TERB2: variants seen among roughly 807,000 people sequenced by gnomAD.
TERB2 encodes telomere repeat binding bouquet formation protein 2, also known as telomere repeats-binding bouquet formation protein 2.
A neutral mutation model predicts 29.8 loss-of-function variants in TERB2; 26 were observed. That is an observed-to-expected ratio of 0.87 (90% CI 0.64 to 1.21). The LOEUF is 1.21. Among genes scored for constraint, TERB2 ranks in the 50% most tolerant of loss-of-function variants. TERB2 has a pLI of 0.00. For missense variants in TERB2, 240 were observed against 268.6 expected (o/e 0.89, Z 0.74); for synonymous variants, 80 against 90.8 (o/e 0.88, Z 0.68).
At chr15:44,968,350 G>A (rs1891918858) in intron 5 of TERB2, among the ~76,000 whole-genome samples, 1 of 151,834 alleles carries the variant, frequency 6.6e-6, no homozygotes, top group East Asian at 1.9e-4. Flanking sequence ...CGAGCAGCTG[G>A]GACTACAGGC....
At chr15:44,957,911 A>C (rs927079229) in intron 2 of TERB2, among the ~76,000 whole-genome samples, 1 of 151,694 alleles carries the variant, frequency 6.6e-6, no homozygotes, top group Non-Finnish European at 1.5e-5. Flanking sequence ...GTCAACCCGA[A>C]CTGCCATTAT....
At chr15:44,975,685 A>C (rs2141245489) in intron 6 of TERB2, among the ~76,000 whole-genome samples, 1 of 152,170 alleles carries the variant, frequency 6.6e-6, no homozygotes, top group African/African-American at 2.4e-5. Context: ...GCATCTGCCC[A>C]CTAGATACCA....
At position 44,966,174 on chromosome 15, in the gene TERB2, C is replaced by G; in HGVS notation, c.365C>G (p.Pro122Arg). ...TATCCACAGCATGATGAAGTAACAC[C>G]AAATGAAATAAAGACCCTTAGGGAA... Reference protein sequence around the residue: ...FLIEKHDEVTPNEIKTLRENS... With the variant: ...FLIEKHDEVTRNEIKTLRENS... The change falls in exon 5 of 7, where the codon CCA becomes CGA. Residue 122 changes from proline (P) to arginine (R), a missense_variant. Physicochemically the swap from Pro to Arg is moderately radical, Grantham distance 103. Coordinates refer to ENST00000340827, the MANE Select transcript of TERB2 (RefSeq NM_152448.3). 2 of 1,540,522 alleles carry G rather than the reference C, an allele frequency of 1.3e-6. No homozygotes were observed. The highest frequency in any genetic ancestry group is 1.7e-6 in the Non-Finnish European group (2 of 1,148,092).
rs368671437 is a variant in TERB2, at chr15:44,974,542, T to C, written c.523+587T>C. Reference sequence around the variant, plus strand: ...GGGTTTCCTATCCTAGTGCTGTACATAAAGAGAAGACAACTAACCACGGCT... The same window carrying C: ...GGGTTTCCTATCCTAGTGCTGTACACAAAGAGAAGACAACTAACCACGGCT... On this transcript the variant is annotated intron_variant, in intron 6 of 6. Coordinates refer to ENST00000340827, the MANE Select transcript of TERB2 (RefSeq NM_152448.3). 9.5e-4 allele frequency among the ~76,000 whole-genome samples: 144 copies of C among 152,174 alleles called. 1 individual carries two copies. The highest frequency in any genetic ancestry group is 6.8e-3 in the Middle Eastern group (2 of 294).
intron 3 of TERB2, among the ~76,000 whole-genome samples, chr15:44,960,886 C>G (rs1322086215): frequency 6.6e-6 from 1 of 151,896 alleles, no homozygotes; most frequent in African/African-American, 2.4e-5. Context: ...CCTGTACTAC[C>G]ATGTTTACTA....
Position 44,978,631 on chromosome 15 carries a change from A to C in TERB2, c.*3A>C. The C allele has an allele frequency of 6.3e-7, 1 of 1,583,050 alleles. No homozygotes were observed. Among genetic ancestry groups the C allele is most frequent in the South Asian group, 1.2e-5 (1 of 85,150 alleles). ...AAAACAAATTGAAGAGGAAATAGTA[A>C]ATTAAATTGTAAATACCTTGGCATT... On this transcript the variant is annotated 3_prime_UTR_variant, in exon 7 of 7. Coordinates refer to ENST00000340827, the MANE Select transcript of TERB2 (RefSeq NM_152448.3).
At chr15:44,960,449 C>T (rs548934341) in intron 3 of TERB2, among the ~76,000 whole-genome samples, 66 of 152,208 alleles carry the variant, frequency 4.3e-4, no homozygotes, top group Non-Finnish European at 7.1e-4. Flanking sequence ...GGCTGCAGTG[C>T]ACCATGATCA....
intron 3 of TERB2, 139 bp from the exon 4 acceptor site, chr15:44,961,384 T>C (rs1891801276): frequency 6.9e-6 from 4 of 582,840 alleles, no homozygotes; most frequent in Admixed American, 3.6e-5. Flanking sequence ...AATAGGAATC[T>C]GCATTTTAAC....
chr15:44,961,675 T>C (rs1449108854), intron 4 of TERB2, 91 bp downstream of exon 4: 7 of 811,280 alleles, frequency 8.6e-6, no homozygotes, highest in South Asian at 1.7e-5. Flanking sequence ...TTGTGACATG[T>C]TAGCACCAAT....
In TERB2 at chr15:44,956,801, G is replaced by A. The variant is rs1430229484; in HGVS notation, c.64+19G>A. 6 of 1,613,646 alleles carry A rather than the reference G, an allele frequency of 3.7e-6. No homozygotes were observed. The highest frequency in any genetic ancestry group is 5.1e-6 in the Non-Finnish European group (6 of 1,179,706). On this transcript the variant is annotated intron_variant, in intron 1 of 6. Coordinates refer to ENST00000340827, the MANE Select transcript of TERB2 (RefSeq NM_152448.3). ...TTCTGGGGTAGGAAGCTGAGTGGAA[G>A]CAGCGGGTTAGGTGGTGAGGGGAGC...
chr15:44,965,036 G>A (rs1196053966), intron 4 of TERB2, among the ~76,000 whole-genome samples: 2 of 151,604 alleles, frequency 1.3e-5, no homozygotes, highest in Non-Finnish European at 2.9e-5. Context: ...GGTGGCTGGC[G>A]CCTGTAATCT....
intron 5 of TERB2, chr15:44,970,077 T>C (rs1891946426): frequency 6.6e-6 from 1 of 152,636 alleles, no homozygotes; most frequent in African/African-American, 2.4e-5. Context: ...AGTAATGCAG[T>C]AGTGGCACAT....
chr15:44,962,940 T>C (rs182608690), intron 4 of TERB2: 1 of 151,674 alleles, frequency 6.6e-6, no homozygotes, highest in African/African-American at 2.4e-5. Context: ...GTGTATATGA[T>C]ACTCCAAAAG....
intron 5 of TERB2, 76 bp downstream of exon 5, chr15:44,966,319 T>C (rs774552757): frequency 2.1e-5 from 18 of 844,710 alleles, no homozygotes; most frequent in Non-Finnish European, 2.8e-5. Context: ...GCTTATCTCA[T>C]TTAATTTTCA....
At chr15:44,959,245 T>C (rs1168894913) in intron 3 of TERB2, among the ~76,000 whole-genome samples, 1 of 152,164 alleles carries the variant, frequency 6.6e-6, no homozygotes, top group Non-Finnish European at 1.5e-5. Flanking sequence ...TCAGCAGCCC[T>C]AGGAAATAGG....
chr15:44,974,571 A>G (rs1892016695), intron 6 of TERB2, among the ~76,000 whole-genome samples: 1 of 152,164 alleles, frequency 6.6e-6, no homozygotes, highest in Admixed American at 6.5e-5. Context: ...CACGGCTGAC[A>G]TTGAGAGGGT....
intron 3 of TERB2, among the ~76,000 whole-genome samples, chr15:44,959,776 G>C (rs1267633130): frequency 6.6e-6 from 1 of 152,142 alleles, no homozygotes; most frequent in African/African-American, 2.4e-5. Flanking sequence ...TACATATCAA[G>C]ATACGTGTTA....
intron 3 of TERB2, among the ~76,000 whole-genome samples, 180 bp from the exon 4 acceptor site, chr15:44,961,343 A>G (rs1891800832): frequency 6.6e-6 from 1 of 151,594 alleles, no homozygotes; most frequent in Admixed American, 6.6e-5. Flanking sequence ...AGAAATGCAA[A>G]TTCCAGAGCT....
chr15:44,960,560 ATATTT>A (rs1469577773), intron 3 of TERB2, among the ~76,000 whole-genome samples: 7 of 152,150 alleles, frequency 4.6e-5, no homozygotes, highest in African/African-American at 1.7e-4. Context: ...TTTTAGAAAT[ATATTT>A]TATTTAACCT....
Sources: gnomAD v4.1 joint callset for allele counts (sites outside exome capture counted in the v4.1 genomes callset) on GRCh38, gnomAD v4.1.1 for gene constraint, MANE v1.5 for transcripts, NCBI Gene and HGNC (gene_info 2026-07-23, HGNC 2026-07-21) for gene names.